Variants in ABCA7 observed in about 807,000 individuals in gnomAD.
ABCA7 encodes phospholipid-transporting ATPase ABCA7.
ABCA7 carries 261 observed loss-of-function variants against 227.6 expected under a neutral mutation model. The observed-to-expected ratio is 1.15, with a 90% CI of 1.04 to 1.27. The LOEUF is 1.27. Among genes scored for constraint, ABCA7 ranks in the 50% most tolerant of loss-of-function variants. The pLI is 0.00. For missense variants in ABCA7, 3,331 were observed against 2,924.5 expected, an observed-to-expected ratio of 1.14 and a Z score of -3.21; for synonymous variants, 1,488 against 1,279.7, an observed-to-expected ratio of 1.16 and a Z score of -3.47.
At chr19:1,042,543 G>A (rs550075071) in intron 6 of ABCA7, 146 bp downstream of exon 6, 169 of 1,143,308 alleles carry the variant, frequency 1.5e-4, no homozygotes, top group Non-Finnish European at 2.0e-4. Context: ...TGTCCGTCTG[G>A]GCCCCCAGAC....
rs200714491 is a variant in ABCA7, at chr19:1,047,219, G to A, written c.1908G>A (p.Ala636=). 5.7e-5 allele frequency: 91 copies of A among 1,608,750 alleles called. No homozygotes were observed. Among genetic ancestry groups the A allele is most frequent in the African/African-American group, 9.3e-5 (7 of 74,888 alleles). Reference sequence around the variant, plus strand: ...TCTTCCTGTTCTTGGCAGCCTTCGCGGTGGCCACGGTGACCCAGAGCTTCC... The same window carrying A: ...TCTTCCTGTTCTTGGCAGCCTTCGCAGTGGCCACGGTGACCCAGAGCTTCC... The part of the protein sequence containing the change: ...GVVFLFLAAF[A]VATVTQSFLL... The change falls in exon 15 of 47, where the codon GCG becomes GCA. Residue 636 remains alanine (A), a synonymous_variant. Coordinates refer to ENST00000263094, the MANE Select transcript of ABCA7 (RefSeq NM_019112.4).
At chr19:1,046,087 A>G in intron 12 of ABCA7, 143 bp from the exon 13 acceptor site, 1 of 940,416 alleles carries the variant, frequency 1.1e-6, no homozygotes, top group South Asian at 1.6e-5. Context: ...CGGGAGGTCA[A>G]GGCTGCAGTG....
chr19:1,053,686 G>C, intron 24 of ABCA7, 102 bp from the exon 25 acceptor site: 1 of 1,539,406 alleles, frequency 6.5e-7, no homozygotes, highest in Non-Finnish European at 8.8e-7. Flanking sequence ...ATGTCCCTTG[G>C]GAAGGCCTGG....
rs937023043 is a variant in ABCA7, at chr19:1,055,770, G to A, written c.4206-137G>A. 1.7e-5 allele frequency: 15 copies of A among 871,238 alleles called. No homozygotes were observed. In the African/African-American group the frequency reaches 2.4e-4, roughly 14 times the overall value. The allele number at this position is 871,238 out of a possible 1,614,324, so 54.0% of individuals were successfully genotyped here. A position where few individuals can be genotyped will look rare whatever the true frequency, so the allele number is the denominator to read the frequency against. On this transcript the variant is annotated intron_variant, in intron 30 of 46. Coordinates refer to ENST00000263094, the MANE Select transcript of ABCA7 (RefSeq NM_019112.4). The stretch of plus-strand genomic sequence containing the variant: ...ACCCGCCTTGGCCTCCCAAAGTGTT[G>A]GGATTACAGGCAGGAGCCACCGCGC...
chr19:1,054,228 C>G lies in ABCA7; in HGVS notation c.3613C>G (p.Pro1205Ala), dbSNP rs771285676. The change falls in exon 27 of 47, where the codon CCA (proline) becomes GCA (alanine). Residue 1205 changes from proline to alanine, a missense_variant. Pro to Ala is a conservative substitution (Grantham distance 27). Transcript: ENST00000263094. This position sits in a 1 kb window ranked among gnomAD's most constrained non-coding sequence, Gnocchi z 4.8. ...CCCAGAGACTGACCAGGGCTCTGGG[C>G]CAGACGCCGTGGGCCGGGTACAGGG... ...SAPETDQGSG[P>A]DAVGRVQGWA... 1 of 1,607,372 alleles carries G rather than the reference C, an allele frequency of 6.2e-7. No individual in the cohort carries two copies.
rs758916987 is a variant in ABCA7, at chr19:1,043,800, T to C, written c.1006T>C (p.Phe336Leu). The C allele has an allele frequency of 5.6e-6, 9 of 1,613,290 alleles. No homozygotes were observed. Among genetic ancestry groups the C allele is most frequent in the Non-Finnish European group, 7.6e-6 (9 of 1,179,984 alleles). The change falls in exon 10 of 47, where the codon TTC (phenylalanine) becomes CTC (leucine). Residue 336 changes from phenylalanine (F) to leucine (L), a missense_variant. Transcript: ENST00000263094. ...GTGGGAGATGCTGGGACCCCGGATC[T>C]TCACCTTCATGAACGACAGTTCCAA... ...EVWEMLGPRI[F>L]TFMNDSSNVA...
At chr19:1,061,699 C>A (rs972205649) in intron 40 of ABCA7, 83 bp from the exon 41 acceptor site, 218 of 1,055,784 alleles carry the variant, frequency 2.1e-4, no homozygotes, top group African/African-American at 1.1e-3. Flanking sequence ...AACTTGGTCT[C>A]AAAAAAAAAA....
chr19:1,046,390 T>A lies in ABCA7; in HGVS notation c.1606T>A (p.Cys536Ser), dbSNP rs1378347663. The change falls in exon 13 of 47, where the codon TGC becomes AGC. Residue 536 changes from cysteine (C) to serine (S), a missense_variant. By Grantham distance (112) the Cys-to-Ser change is moderately radical. Transcript: ENST00000263094. ...CTACCTGCAGCAGATGCCCTATCCGTGCTATGTGGACGACGTGTGAGCTCT... is the reference window on the plus strand; with the variant it reads ...CTACCTGCAGCAGATGCCCTATCCGAGCTATGTGGACGACGTGTGAGCTCT... Reference protein sequence around the residue: ...GLYLQQMPYPCYVDDVFLRVL... With the variant: ...GLYLQQMPYPSYVDDVFLRVL... 1.9e-6 allele frequency: 3 copies of A among 1,568,694 alleles called. No individual in the cohort carries two copies. The highest frequency in any genetic ancestry group is 2.7e-5 in the African/African-American group (2 of 73,970).
At position 1,042,312 on chromosome 19, in the gene ABCA7, C is replaced by A; in HGVS notation, c.416-3C>A. Reference sequence around the variant, plus strand: ...CCCATGCTCCCGTGCGCTCCTCCCCCAGCCCAGCCTCAACCAACCAAGCAG... The same window carrying A: ...CCCATGCTCCCGTGCGCTCCTCCCCAAGCCCAGCCTCAACCAACCAAGCAG... On this transcript the variant is annotated splice_polypyrimidine_tract_variant and splice_region_variant and intron_variant, in intron 5 of 46. Coordinates refer to ENST00000263094, the MANE Select transcript of ABCA7 (RefSeq NM_019112.4). 1 of 1,575,464 alleles carries A rather than the reference C, an allele frequency of 6.3e-7. No homozygotes were observed. The highest frequency in any genetic ancestry group is 8.7e-7 in the Non-Finnish European group (1 of 1,154,800).
chr19:1,060,214 T>A lies in ABCA7; in HGVS notation c.5463+1129T>A, dbSNP rs1174216988. ...ATTGCAGTATATATATATATTTTTT[T>A]TTCTTTTTTTTTCTTTTGAGATGGA... On this transcript the variant is annotated intron_variant, in intron 40 of 46. Transcript: ENST00000263094. Among the ~76,000 whole-genome samples the A allele has an allele frequency of 4.2e-4, 61 of 145,866 alleles. 2 individuals carry two copies. The highest frequency in any genetic ancestry group is 1.6e-3 in the African/African-American group (60 of 36,600).
intron 7 of ABCA7, 60 bp downstream of exon 7, chr19:1,042,886 C>T (rs985917708): frequency 2.1e-5 from 32 of 1,525,546 alleles, no homozygotes; most frequent in Non-Finnish European, 2.6e-5. Flanking sequence ...CAGCCTGCGC[C>T]GGGAGGGTCT....
At position 1,051,040 on chromosome 19, in the gene ABCA7, T is replaced by C. The variant is rs1174170554; in HGVS notation, c.2672T>C (p.Val891Ala). The C allele has an allele frequency of 6.2e-7, 1 of 1,611,548 alleles. No homozygotes were observed. The highest frequency in any genetic ancestry group is 8.5e-7 in the Non-Finnish European group (1 of 1,179,160). Residue 891 changes from valine to alanine, a missense_variant, in exon 19 of 47, where the codon GTG becomes GCG. Transcript: ENST00000263094. ...PHLGVCPQYN[V>A]LFDMLTVDEH... ...CTGGGCGTCTGTCCTCAGTACAACGTGCTGTTTGACATGTGCGTCTCGGCA... is the reference window on the plus strand; with the variant it reads ...CTGGGCGTCTGTCCTCAGTACAACGCGCTGTTTGACATGTGCGTCTCGGCA...
At chr19:1,046,193 C>G in intron 12 of ABCA7, 37 bp from the exon 13 acceptor site, 1 of 1,597,816 alleles carries the variant, frequency 6.3e-7, no homozygotes, top group Non-Finnish European at 8.5e-7. Context: ...GAGTTTCTAG[C>G]CCTTCCCTAC....
At position 1,043,579 on chromosome 19, in the gene ABCA7, TGAA is replaced by T; in HGVS notation, c.930+111_930+113del. On this transcript the variant is annotated intron_variant, in intron 9 of 46. Coordinates refer to ENST00000263094, the MANE Select transcript of ABCA7 (RefSeq NM_019112.4). Reference sequence around the variant, plus strand: ...AGGCCGGAGGGTCACGGAAACTATTTGAAGAAGTAGGAGTTAGCCGATGGAGGG... The same window carrying T: ...AGGCCGGAGGGTCACGGAAACTATTTGAAGTAGGAGTTAGCCGATGGAGGG... 1.3e-5 allele frequency: 20 copies of T among 1,586,092 alleles called. No homozygotes were observed. In the South Asian group the frequency reaches 1.8e-4, roughly 14 times the overall value.
Position 1,051,944 on chromosome 19 carries a change from C to T in ABCA7, c.2965C>T (p.Arg989Cys), listed in dbSNP as rs1250010519. Residue 989 changes from arginine to cysteine, a missense_variant and splice_region_variant, in exon 22 of 47, where the codon CGC becomes TGC. Transcript: ENST00000263094. ...WELLLKYREG[R>C]TLILSTHHLD... ...GTGGGTTGGTCCCCCGTGCCTAGGT[C>T]GCACGCTGATCCTCTCCACCCACCA... 6.2e-6 allele frequency: 10 copies of T among 1,611,070 alleles called. No individual in the cohort carries two copies. The highest frequency in any genetic ancestry group is 1.8e-4 in the Middle Eastern group (1 of 5,606).
chr19:1,054,773 CACACAG>C lies in ABCA7; in HGVS notation c.3852-6_3852-1del. The C allele has an allele frequency of 6.2e-7, 1 of 1,606,778 alleles. No individual in the cohort carries two copies. Among genetic ancestry groups the C allele is most frequent in the Non-Finnish European group, 8.5e-7 (1 of 1,177,042 alleles). On this transcript the variant is annotated splice_acceptor_variant and splice_polypyrimidine_tract_variant and intron_variant, in intron 28 of 46. Coordinates refer to ENST00000263094, the MANE Select transcript of ABCA7 (RefSeq NM_019112.4). LOFTEE classifies it high-confidence loss of function. The surrounding 1 kb of genome is among the most constrained non-coding windows in gnomAD (Gnocchi z 4.8). Reference sequence around the variant, plus strand: ...AGCCCTGACCCTACATCTCCCCTCACACACAGTGAGGACGCCCCAGGGGACCCTGGA... The same window carrying C: ...AGCCCTGACCCTACATCTCCCCTCACTGAGGACGCCCCAGGGGACCCTGGA...
At position 1,063,606 on chromosome 19, in the gene ABCA7, C is replaced by T. The variant is rs1263663569; in HGVS notation, c.5775C>T (p.Thr1925=). The T allele has an allele frequency of 1.9e-6, 3 of 1,611,372 alleles. No individual in the cohort carries two copies. The highest frequency in any genetic ancestry group is 2.2e-5 in the East Asian group (1 of 44,872). The change falls in exon 43 of 47, where the codon ACC becomes ACT. Residue 1925 remains threonine (T), a synonymous_variant. Transcript: ENST00000263094. ...GGTACGCAGACCGGCCTGCAGGCAC[C>T]TACAGCGGAGGGAACAAACGCAAGC... ...LSWYADRPAG[T]YSGGNKRKLA... is the part of the protein sequence containing the mutation.
Position 1,063,654 on chromosome 19 carries a change from TG to T in ABCA7, c.5827del (p.Asp1943ThrfsTer36), listed in dbSNP as rs777959184. ...RKLATALALV[G>X]DPAVVFLDEP... ...AGCTGGCGACGGCCCTGGCGCTGGT[TG>T]GGGACCCAGCCGTGGTGTTTCTGGT... is the stretch of plus-strand genomic sequence containing the variant. On this transcript the variant is annotated frameshift_variant, in exon 43 of 47. Coordinates refer to ENST00000263094, the MANE Select transcript of ABCA7 (RefSeq NM_019112.4). LOFTEE classifies it high-confidence loss of function. 6.2e-7 allele frequency: 1 copy of T among 1,608,824 alleles called. No individual in the cohort carries two copies. The highest frequency in any genetic ancestry group is 1.1e-5 in the South Asian group (1 of 90,706).
At position 1,053,449 on chromosome 19, in the gene ABCA7, C is replaced by T. The variant is rs1298111425; in HGVS notation, c.3341C>T (p.Ala1114Val). ...ACGGGTGCCCATGACGGCAGCTTCG[C>T]CACACTCTTCCGAGAGCTAGACACG... ...PYTGAHDGSF[A>V]TLFRELDTRL... Residue 1114 changes from alanine (A) to valine (V), a missense_variant, in exon 24 of 47, where the codon GCC becomes GTC. Coordinates refer to ENST00000263094, the MANE Select transcript of ABCA7 (RefSeq NM_019112.4). 1 of 1,601,350 alleles carries T rather than the reference C, an allele frequency of 6.2e-7. No individual in the cohort carries two copies. Among genetic ancestry groups the T allele is most frequent in the Non-Finnish European group, 8.5e-7 (1 of 1,175,862 alleles).
Sources: gnomAD v4.1 joint callset for allele counts (sites outside exome capture counted in the v4.1 genomes callset) on GRCh38, gnomAD v4.1.1 for gene constraint, Gnocchi (gnomAD v3.1) non-coding constraint, MANE v1.5 for transcripts, NCBI Gene and HGNC (gene_info 2026-07-23, HGNC 2026-07-21) for gene names.